Variants in CLIP2 observed in about 807,000 individuals in gnomAD.
CLIP2 encodes the protein CAP-Gly domain-containing linker protein 2.
CLIP2 carries 41 observed loss-of-function variants against 111.7 expected under a neutral mutation model. The observed-to-expected ratio is 0.37, with a 90% confidence interval of 0.29 to 0.48. The LOEUF (loss-of-function observed/expected upper bound fraction) is 0.48. Among genes scored for constraint, CLIP2 ranks in the 20% least tolerant of loss-of-function variants. The pLI is 0.99. For synonymous variants in CLIP2, 660 were observed against 644.2 expected (o/e 1.02, Z -0.37); for missense variants, 1,160 against 1,422.1 (o/e 0.82, Z 2.96).
chr7:74,297,016 G>A (rs548804390), intron 1 of CLIP2, among the ~76,000 whole-genome samples: 10 of 152,278 alleles, frequency 6.6e-5, no homozygotes, highest in South Asian at 6.2e-4. Flanking sequence ...GCAGTGGGTC[G>A]CCTTTCTGAC....
Position 74,373,028 on chromosome 7 carries a change from G to A in CLIP2, c.1477G>A (p.Asp493Asn). ...QAERLLRELA[D>N]NRLTTVAEKS... Reference sequence around the variant, plus strand: ...CGAGCGGCTGCTCCGAGAATTAGCGGACAACAGGGTAACCGCGCCACCGCA... The same window carrying A: ...CGAGCGGCTGCTCCGAGAATTAGCGAACAACAGGGTAACCGCGCCACCGCA... Residue 493 changes from aspartate (D) to asparagine (N), a missense_variant, in exon 9 of 17, where the codon GAC (aspartate) becomes AAC (asparagine). Physicochemically the swap from Asp to Asn is conservative, Grantham distance 23. Transcript: ENST00000223398. The A allele has an allele frequency of 6.3e-7, 1 of 1,580,082 alleles. No homozygotes were observed. Among genetic ancestry groups the A allele is most frequent in the Non-Finnish European group, 8.6e-7 (1 of 1,164,448 alleles).
chr7:74,385,122 C>CAAAA (rs71094780), intron 11 of CLIP2, among the ~76,000 whole-genome samples: 9 of 51,604 alleles, frequency 1.7e-4, no homozygotes, highest in East Asian at 7.0e-4. Context: ...ATTAAAAATA[C>CAAAA]AAAAAAAAAA....
At chr7:74,316,782 G>A (rs1416535854) in intron 1 of CLIP2, among the ~76,000 whole-genome samples, 1 of 152,120 alleles carries the variant, frequency 6.6e-6, no homozygotes, top group Non-Finnish European at 1.5e-5. Context: ...GCCTGGTCTT[G>A]AACTCCTGAC....
At chr7:74,303,431 G>T (rs1351344005) in intron 1 of CLIP2, among the ~76,000 whole-genome samples, 1 of 152,142 alleles carries the variant, frequency 6.6e-6, no homozygotes, top group East Asian at 1.9e-4. Context: ...GGGGTGCTGG[G>T]TAGGGCTTGG....
chr7:74,372,160 A>T (rs1010697911), intron 8 of CLIP2, among the ~76,000 whole-genome samples: 7 of 152,056 alleles, frequency 4.6e-5, no homozygotes, highest in Non-Finnish European at 8.8e-5. Flanking sequence ...CACCCTGAGA[A>T]TGCTGGCCTT....
At chr7:74,301,153 G>T (rs1222996380) in intron 1 of CLIP2, among the ~76,000 whole-genome samples, 1 of 152,102 alleles carries the variant, frequency 6.6e-6, no homozygotes, top group Non-Finnish European at 1.5e-5. Context: ...ATCTCATTGT[G>T]ATTTTAATTT....
At chr7:74,321,585 C>T (rs1788954264) in intron 2 of CLIP2, among the ~76,000 whole-genome samples, 1 of 152,030 alleles carries the variant, frequency 6.6e-6, no homozygotes, top group South Asian at 2.1e-4. Flanking sequence ...TTCTCTGTCT[C>T]AGCCTCCCAA....
At chr7:74,316,236 TTTTG>T (rs1367777565) in intron 1 of CLIP2, among the ~76,000 whole-genome samples, 3 of 151,852 alleles carry the variant, frequency 2.0e-5, no homozygotes, top group Non-Finnish European at 4.4e-5. Flanking sequence ...GACTGCATTT[TTTTG>T]TTTTTGTTTT....
intron 14 of CLIP2, among the ~76,000 whole-genome samples, chr7:74,400,121 G>T (rs1791577572): frequency 6.9e-6 from 1 of 145,082 alleles, no homozygotes; most frequent in African/African-American, 2.6e-5. Flanking sequence ...CTGCACTCCA[G>T]CCTAGGTGAT....
intron 6 of CLIP2, among the ~76,000 whole-genome samples, chr7:74,358,851 A>T (rs1199665226): frequency 1.3e-5 from 2 of 151,990 alleles, no homozygotes; most frequent in Non-Finnish European, 2.9e-5. Flanking sequence ...GATTATAGGC[A>T]TAAGCCATCG....
chr7:74,301,214 C>T (rs906577133), intron 1 of CLIP2, among the ~76,000 whole-genome samples: 8 of 151,952 alleles, frequency 5.3e-5, no homozygotes, highest in South Asian at 2.1e-4. Context: ...GGTTCTTGGC[C>T]GCTTGTATGT....
intron 3 of CLIP2, among the ~76,000 whole-genome samples, chr7:74,352,266 C>T (rs1415706436): frequency 2.0e-5 from 3 of 152,024 alleles, no homozygotes; most frequent in African/African-American, 7.2e-5. Context: ...GAAACCCCAT[C>T]TTTACTAAAA....
chr7:74,386,413 G>A (rs1369759194), intron 11 of CLIP2, 108 bp from the exon 12 acceptor site: 2 of 815,632 alleles, frequency 2.5e-6, no homozygotes, highest in South Asian at 1.7e-5. Context: ...GGACCCTGGA[G>A]GCCAAGTGTG....
intron 1 of CLIP2, among the ~76,000 whole-genome samples, chr7:74,299,556 C>G (rs1355623815): frequency 6.6e-6 from 1 of 152,180 alleles, no homozygotes; most frequent in East Asian, 1.9e-4. Flanking sequence ...GGTTTGCACC[C>G]TGTCGCCTCT....
chr7:74,333,712 G>T (rs969620822), intron 2 of CLIP2, among the ~76,000 whole-genome samples: 4 of 151,488 alleles, frequency 2.6e-5, no homozygotes, highest in African/African-American at 4.9e-5. Flanking sequence ...CAAACTCCTG[G>T]CCTCAAGCAA....
intron 1 of CLIP2, among the ~76,000 whole-genome samples, chr7:74,314,757 C>T (rs1788724616): frequency 6.6e-6 from 1 of 152,192 alleles, no homozygotes; most frequent in African/African-American, 2.4e-5. Context: ...TCATGGTGAG[C>T]CTTCTGGAAA....
chr7:74,394,538 C>CT (rs1791394306), intron 13 of CLIP2, among the ~76,000 whole-genome samples: 1 of 152,214 alleles, frequency 6.6e-6, no homozygotes, highest in Non-Finnish European at 1.5e-5. Flanking sequence ...GCGTGGGCCA[C>CT]CGCCCCGGGC....
chr7:74,295,099 A>G (rs2116441425), intron 1 of CLIP2, among the ~76,000 whole-genome samples: 1 of 152,168 alleles, frequency 6.6e-6, no homozygotes, highest in Non-Finnish European at 1.5e-5. Context: ...ATTAGCTGTG[A>G]TTACAAGTGC....
At position 74,356,514 on chromosome 7, in the gene CLIP2, G is replaced by T. The variant is rs371310682; in HGVS notation, c.908G>T (p.Arg303Leu). The T allele has an allele frequency of 1.9e-6, 3 of 1,614,198 alleles. No individual in the cohort carries two copies. Among genetic ancestry groups the T allele is most frequent in the Non-Finnish European group, 2.5e-6 (3 of 1,180,042 alleles). ...CCAGCCAAGGCCAAGAAGACCAAGC[G>T]TATGGCCATGGGTGTGTCAGCACTG... ...TSPAKAKKTK[R>L]MAMGVSALTH... is the part of the protein sequence containing the mutation. The change falls in exon 5 of 17, where the codon CGT (arginine) becomes CTT (leucine). Residue 303 changes from arginine (R) to leucine (L), a missense_variant. By Grantham distance (102) the Arg-to-Leu change is moderately radical (BLOSUM62 -2). This residue lies in a region of CLIP2 where 110 missense variants were observed against 185.2 expected (regional missense o/e 0.59). Transcript: ENST00000223398.
Sources: allele counts gnomAD v4.1 joint callset (sites outside exome capture counted in the v4.1 genomes callset), GRCh38; gene constraint gnomAD v4.1.1; regional missense constraint gnomAD v4.1.1; transcripts MANE v1.5; gene names NCBI Gene and HGNC (gene_info 2026-07-23, HGNC 2026-07-21).